KIF5B: variants seen among roughly 807,000 people sequenced by gnomAD.
KIF5B encodes kinesin-1 heavy chain.
A neutral mutation model predicts 132.8 loss-of-function variants in KIF5B; 49 were observed. That is an observed-to-expected ratio of 0.37 (90% CI 0.29 to 0.47). The LOEUF (loss-of-function observed/expected upper bound fraction) is 0.47. Among genes scored for constraint, KIF5B ranks in the 20% least tolerant of loss-of-function variants. The probability of loss-of-function intolerance (pLI) is 1.00; values close to 1 mark genes in which losing one functional copy is unlikely to be tolerated. For missense variants in KIF5B, 780 were observed against 1,144.0 expected (o/e 0.68, Z 4.59); for synonymous variants, 355 against 369.4 (o/e 0.96, Z 0.45).
intron 20 of KIF5B, among the ~76,000 whole-genome samples, 171 bp from the exon 21 acceptor site, chr10:32,018,733 T>TC (rs1841215508): frequency 6.6e-6 from 1 of 152,022 alleles, no homozygotes; most frequent in Non-Finnish European, 1.5e-5. Context: ...AAAAAAAATT[T>TC]TTTTTTTTTT....
intron 14 of KIF5B, among the ~76,000 whole-genome samples, chr10:32,030,713 CA>C (rs1314677097): frequency 6.6e-6 from 1 of 152,030 alleles, no homozygotes; most frequent in Non-Finnish European, 1.5e-5. Flanking sequence ...ATTGTTTGAA[CA>C]ATCATCTAAT....
At chr10:32,038,655 T>A (rs1841492344) in intron 5 of KIF5B, 123 bp downstream of exon 5, 2 of 635,742 alleles carry the variant, frequency 3.1e-6, no homozygotes, top group Non-Finnish European at 5.4e-6. Context: ...AGAAAAAAAA[T>A]TTTGTCTATT....
intron 4 of KIF5B, 30 bp from the exon 5 acceptor site, chr10:32,038,856 C>T (rs1841495576): frequency 7.4e-7 from 1 of 1,345,686 alleles, no homozygotes. Context: ...AAACACCGAT[C>T]AACTAAAGTT....
At chr10:32,046,153 G>T (rs1164926723) in intron 2 of KIF5B, among the ~76,000 whole-genome samples, 1 of 152,078 alleles carries the variant, frequency 6.6e-6, no homozygotes, top group Non-Finnish European at 1.5e-5. Flanking sequence ...AGTATGGAAT[G>T]GGGCTTAAAG....
chr10:32,011,752 T>G (rs182779696), intron 25 of KIF5B, among the ~76,000 whole-genome samples: 172 of 151,602 alleles, frequency 1.1e-3, no homozygotes, highest in Admixed American at 2.2e-3. Flanking sequence ...TAAAGGGAGG[T>G]CAGCCCTCCC....
intron 25 of KIF5B, among the ~76,000 whole-genome samples, chr10:32,014,287 A>T (rs1020735740): frequency 6.6e-6 from 1 of 152,128 alleles, no homozygotes; most frequent in Non-Finnish European, 1.5e-5. Flanking sequence ...GCTACTTGGG[A>T]GGCTGAGGCA....
chr10:32,042,231 A>T (rs1044147422), intron 2 of KIF5B, among the ~76,000 whole-genome samples: 20 of 152,308 alleles, frequency 1.3e-4, no homozygotes, highest in Non-Finnish European at 2.6e-4. Context: ...GGGCACAACT[A>T]AGTGGATAAC....
Position 32,037,614 on chromosome 10 carries a change from A to T in KIF5B, c.499-7T>A. On this transcript the variant is annotated splice_region_variant and splice_polypyrimidine_tract_variant and intron_variant, in intron 6 of 25. Coordinates refer to ENST00000302418, the MANE Select transcript of KIF5B (RefSeq NM_004521.3). ...CAAAACGCTCTGTGCACCCCTGTGA[A>T]ATAATTTTTAAAAATATGTTAATGT... 1 of 1,589,358 alleles carries T rather than the reference A, an allele frequency of 6.3e-7. No individual in the cohort carries two copies. Among genetic ancestry groups the T allele is most frequent in the Non-Finnish European group, 8.6e-7 (1 of 1,159,266 alleles).
Position 32,056,056 on chromosome 10 carries a change from T to C in KIF5B, c.-83A>G. 2 of 1,536,166 alleles carry C rather than the reference T, an allele frequency of 1.3e-6. No individual in the cohort carries two copies. Among genetic ancestry groups the C allele is most frequent in the Admixed American group, 1.8e-5 (1 of 54,786 alleles). On this transcript the variant is annotated 5_prime_UTR_variant, in exon 1 of 26. Coordinates refer to ENST00000302418, the MANE Select transcript of KIF5B (RefSeq NM_004521.3). The stretch of plus-strand genomic sequence containing the variant: ...GGAACGCGCCGGACCTGAGGGCTTG[T>C]GGTCGCGAGGGCCGTGAGAGGCAGC...
chr10:32,045,451 T>C (rs1439814953), intron 2 of KIF5B, among the ~76,000 whole-genome samples: 1 of 152,200 alleles, frequency 6.6e-6, no homozygotes, highest in Non-Finnish European at 1.5e-5. Context: ...ATAAACATTG[T>C]TGAAAGGGAC....
chr10:32,052,475 C>T (rs2132619185), intron 1 of KIF5B, among the ~76,000 whole-genome samples: 1 of 152,258 alleles, frequency 6.6e-6, no homozygotes, highest in South Asian at 2.1e-4. Context: ...TTTTTGGCAG[C>T]CTTTACGGTG....
intron 4 of KIF5B, 87 bp from the exon 5 acceptor site, chr10:32,038,913 G>C: frequency 1.3e-6 from 1 of 778,852 alleles, no homozygotes; most frequent in Non-Finnish European, 2.1e-6. Flanking sequence ...GCATTGTTTA[G>C]ACTAGAGAGA....
rs971221781 is a variant in KIF5B, at chr10:32,033,990, A to C, written c.1160T>G (p.Leu387Trp). 2 of 1,602,812 alleles carry C rather than the reference A, an allele frequency of 1.2e-6. No homozygotes were observed. The highest frequency in any genetic ancestry group is 1.7e-6 in the Non-Finnish European group (2 of 1,175,142). ...DEQFDKEKANLEAFTVDKDIT... is the reference protein window; with the variant it reads ...DEQFDKEKANWEAFTVDKDIT... ...ATCTTTATCCACTGTGAAAGCTTCC[A>C]AGTTGGCTTTCTCTTTGTCAAACTG... The change falls in exon 12 of 26, where the codon TTG (leucine) becomes TGG (tryptophan). Residue 387 changes from leucine (L) to tryptophan (W), a missense_variant. Coordinates refer to ENST00000302418, the MANE Select transcript of KIF5B (RefSeq NM_004521.3).
intron 1 of KIF5B, among the ~76,000 whole-genome samples, chr10:32,049,010 A>G (rs1841652216): frequency 6.6e-6 from 1 of 152,090 alleles, no homozygotes; most frequent in Non-Finnish European, 1.5e-5. Context: ...CTGGGACTAG[A>G]GGCATGTGCC....
At chr10:32,044,933 G>C (rs922155734) in intron 2 of KIF5B, among the ~76,000 whole-genome samples, 2 of 152,174 alleles carry the variant, frequency 1.3e-5, no homozygotes, top group African/African-American at 2.4e-5. Context: ...GTTCCAAACA[G>C]TAAAGCAGGA....
chr10:32,022,605 G>A (rs1219403709), intron 16 of KIF5B, among the ~76,000 whole-genome samples: 3 of 152,056 alleles, frequency 2.0e-5, no homozygotes, highest in African/African-American at 7.2e-5. Flanking sequence ...GCCCACCCTG[G>A]AATTCTGAAG....
rs1431855749 is a variant in KIF5B at position 32,034,679 on chromosome 10, T to A, written c.1111+11A>T. ...TAACAAACTGAAGATGACAAATTCTTAAGTTATTACCATTACGCCATCTGT... is the reference window on the plus strand; with the variant it reads ...TAACAAACTGAAGATGACAAATTCTAAAGTTATTACCATTACGCCATCTGT... On this transcript the variant is annotated intron_variant, in intron 11 of 25. Transcript: ENST00000302418. 6.5e-7 allele frequency: 1 copy of A among 1,543,100 alleles called. No homozygotes were observed. The highest frequency in any genetic ancestry group is 8.7e-7 in the Non-Finnish European group (1 of 1,150,574).
At chr10:32,045,137 ACT>A (rs1841592894) in intron 2 of KIF5B, among the ~76,000 whole-genome samples, 3 of 152,132 alleles carry the variant, frequency 2.0e-5, no homozygotes, top group African/African-American at 4.8e-5. Context: ...ATTTTGAAAA[ACT>A]CTGAGTATCA....
rs547388371 is a variant in KIF5B, at chr10:32,017,235, C to T, written c.2669G>A (p.Arg890His). The change falls in exon 24 of 26, where the codon CGT becomes CAT. Residue 890 changes from arginine (R) to histidine (H), a missense_variant. Physicochemically the swap from Arg to His is conservative, Grantham distance 29 (BLOSUM62 0). Transcript: ENST00000302418. ...TTCTTGCTGATAGCGTTTGCGATCA[C>T]GAGATGCATTTTCTTTAGCTTCTTT... ...ALKEAKENAS[R>H]DRKRYQQEVD... is the part of the protein sequence containing the mutation. 7.4e-6 allele frequency: 12 copies of T among 1,614,212 alleles called. No homozygotes were observed. The highest frequency in any genetic ancestry group is 6.7e-5 in the East Asian group (3 of 44,884).
Sources: gnomAD v4.1 joint callset for allele counts (sites outside exome capture counted in the v4.1 genomes callset) on GRCh38, gnomAD v4.1.1 for gene constraint, MANE v1.5 for transcripts, NCBI Gene and HGNC (gene_info 2026-07-23, HGNC 2026-07-21) for gene names.